The following ADAMTS19 variants were observed in gnomAD, a reference collection of about 807,000 sequenced individuals.
The protein encoded by ADAMTS19 is ADAM metallopeptidase with thrombospondin type 1 motif 19, also known as A disintegrin and metalloproteinase with thrombospondin motifs 19.
Under a neutral mutation model 153.3 loss-of-function variants are expected in ADAMTS19, and 93 were observed. That is an observed-to-expected ratio of 0.61 (90% CI 0.51 to 0.72). The LOEUF is 0.72. Ranked by LOEUF, ADAMTS19 falls within the 30% of genes least tolerant of loss-of-function variation. The probability of loss-of-function intolerance (pLI) is 0.00; values close to 1 mark genes in which losing one functional copy is unlikely to be tolerated. For missense variants in ADAMTS19, 1,482 were observed against 1,552.1 expected (o/e 0.95, Z 0.76); for synonymous variants, 600 against 556.6 (o/e 1.08, Z -1.10).
chr5:129,599,811 C>T (rs1750560707), intron 8 of ADAMTS19, among the ~76,000 whole-genome samples: 2 of 151,978 alleles, frequency 1.3e-5, no homozygotes, highest in African/African-American at 2.4e-5. Context: ...TAGAGCTGTA[C>T]CCAAAATCAA....
At chr5:129,637,598 A>C (rs1211789713) in intron 10 of ADAMTS19, among the ~76,000 whole-genome samples, 1 of 152,098 alleles carries the variant, frequency 6.6e-6, no homozygotes, top group Non-Finnish European at 1.5e-5. Flanking sequence ...TAATCCCAGC[A>C]CTTTAGGAGG....
chr5:129,461,163 G>C lies in ADAMTS19; in HGVS notation c.153G>C (p.Arg51=). Residue 51 remains arginine (R), a synonymous_variant, in exon 2 of 23, where the codon CGG becomes CGC. Transcript: ENST00000274487. The surrounding 1 kb of genome is among the most constrained non-coding windows in gnomAD (Gnocchi z 4.6). ...TCGTGTTTCCTGCGCTCTGGCGCCG[G>C]GAGCCGGTGGACCCGGCTGGCGGCA... The part of the protein sequence containing the change: ...WEVVFPALWR[R]EPVDPAGGSG... The C allele has an allele frequency of 7.2e-7, 1 of 1,395,536 alleles. No homozygotes were observed. The highest frequency in any genetic ancestry group is 2.7e-5 in the Admixed American group (1 of 37,040). 86.4% of individuals were successfully genotyped at this position (1,395,536 alleles called of 1,614,324 possible).
chr5:129,463,334 G>GTT (rs143452844), intron 2 of ADAMTS19, among the ~76,000 whole-genome samples: 1 of 151,916 alleles, frequency 6.6e-6, no homozygotes, highest in Non-Finnish European at 1.5e-5. Flanking sequence ...TTATAAGTAG[G>GTT]TTTTTTGTAT....
chr5:129,734,104 G>T (rs954049420), intron 21 of ADAMTS19, among the ~76,000 whole-genome samples: 1 of 151,798 alleles, frequency 6.6e-6, no homozygotes, highest in African/African-American at 2.4e-5. Context: ...AATATTGCAT[G>T]TTCTTACTTG....
chr5:129,624,709 T>G (rs755745115), intron 10 of ADAMTS19, among the ~76,000 whole-genome samples: 2 of 152,232 alleles, frequency 1.3e-5, no homozygotes, highest in Non-Finnish European at 2.9e-5. Flanking sequence ...TTTTACAAGC[T>G]TTTAGAAATT....
chr5:129,702,477 T>A (rs970585153), intron 20 of ADAMTS19, among the ~76,000 whole-genome samples: 7 of 152,190 alleles, frequency 4.6e-5, no homozygotes, highest in African/African-American at 1.7e-4. Context: ...AGTAGCTACT[T>A]TTTTGAAAAT....
chr5:129,674,508 CT>C (rs1754468331), intron 16 of ADAMTS19, among the ~76,000 whole-genome samples: 1 of 152,028 alleles, frequency 6.6e-6, no homozygotes, highest in Non-Finnish European at 1.5e-5. Context: ...ACTGAGTACA[CT>C]TTTTACTATT....
At chr5:129,680,496 C>T (rs949795899) in intron 17 of ADAMTS19, among the ~76,000 whole-genome samples, 26 of 152,012 alleles carry the variant, frequency 1.7e-4, no homozygotes, top group Non-Finnish European at 1.8e-4. Flanking sequence ...TGGTGGCTCA[C>T]GCCTGTAATC....
intron 7 of ADAMTS19, among the ~76,000 whole-genome samples, chr5:129,552,692 T>C (rs1034921188): frequency 2.6e-5 from 4 of 151,854 alleles, no homozygotes; most frequent in Non-Finnish European, 4.4e-5. Flanking sequence ...GTGTCATTTG[T>C]TTTTTTATAA....
intron 21 of ADAMTS19, among the ~76,000 whole-genome samples, chr5:129,726,781 G>C (rs1174289358): frequency 1.3e-5 from 2 of 152,042 alleles, no homozygotes; most frequent in Non-Finnish European, 2.9e-5. Context: ...GTCCTACCCT[G>C]ATTTTCCCAT....
At chr5:129,553,949 T>C (rs1039931540) in intron 7 of ADAMTS19, among the ~76,000 whole-genome samples, 3 of 152,056 alleles carry the variant, frequency 2.0e-5, no homozygotes, top group African/African-American at 4.8e-5. Context: ...CAAAAATATT[T>C]TGTCTAAATA....
Position 129,477,571 on chromosome 5 carries a change from T to C in ADAMTS19, c.747+15814T>C, listed in dbSNP as rs532774933. Among the ~76,000 whole-genome samples the C allele has an allele frequency of 5.9e-5, 9 of 152,344 alleles. No homozygotes were observed. The East Asian group carries it at 1.7e-3, about 29-fold the overall frequency. ...TCATTTGAAATGCTTTGGAGTAACATACTAAAGCATCCTTGGGGACACCCT... is the reference window on the plus strand; with the variant it reads ...TCATTTGAAATGCTTTGGAGTAACACACTAAAGCATCCTTGGGGACACCCT... On this transcript the variant is annotated intron_variant, in intron 2 of 22. Coordinates refer to ENST00000274487, the MANE Select transcript of ADAMTS19 (RefSeq NM_133638.6).
intron 3 of ADAMTS19, 135 bp from the exon 4 acceptor site, chr5:129,526,149 A>G: frequency 3.0e-6 from 2 of 672,916 alleles, no homozygotes; most frequent in East Asian, 3.4e-5. Context: ...CTAAAGTCAT[A>G]TTTCAAAGCC....
rs1304620760 is a variant in ADAMTS19 at position 129,509,171 on chromosome 5, A to C, written c.842A>C (p.Gln281Pro). Residue 281 changes from glutamine (Q) to proline (P), a missense_variant, in exon 3 of 23, where the codon CAG becomes CCG. By Grantham distance (76) the Gln-to-Pro change is moderately conservative. Around this residue, in one of 2 missense-constraint regions of ADAMTS19, gnomAD observed 866 missense variants for 827.7 expected, o/e 1.05. Coordinates refer to ENST00000274487, the MANE Select transcript of ADAMTS19 (RefSeq NM_133638.6). ...GGTCACCCACACCGTGTATATAGGC[A>C]GAAAAGGTCCATGGAGGAAAAGGTC... ...ITGHPHRVYRQKRSMEEKVTE... is the reference protein window; with the variant it reads ...ITGHPHRVYRPKRSMEEKVTE... 1 of 1,612,430 alleles carries C rather than the reference A, an allele frequency of 6.2e-7. No homozygotes were observed.
chr5:129,695,411 A>AC (rs953633700), intron 19 of ADAMTS19, among the ~76,000 whole-genome samples: 2 of 151,992 alleles, frequency 1.3e-5, no homozygotes, highest in African/African-American at 2.4e-5. Flanking sequence ...TTCCTCTGAC[A>AC]CCCCCCAATG....
chr5:129,661,654 T>C (rs1753818157), intron 15 of ADAMTS19, among the ~76,000 whole-genome samples: 1 of 152,234 alleles, frequency 6.6e-6, no homozygotes, highest in Non-Finnish European at 1.5e-5. Context: ...TTTTTTTTCC[T>C]TAATACTTTA....
At position 129,461,354 on chromosome 5, in the gene ADAMTS19, C is replaced by G. The variant is rs1033126813; in HGVS notation, c.344C>G (p.Ser115Trp). 2 of 1,336,142 alleles carry G rather than the reference C, an allele frequency of 1.5e-6. No homozygotes were observed. Among genetic ancestry groups the G allele is most frequent in the African/African-American group, 3.1e-5 (2 of 64,750 alleles). 82.8% of individuals were successfully genotyped at this position (1,336,142 alleles called of 1,614,324 possible). ...TCCCGGCTCCGGCCCCCGCCGCCGT[C>G]GGAGGGTGAGGAGGACGAGGAGCTC... ...SESRLRPPPP[S>W]EGEEDEELES... The change falls in exon 2 of 23, where the codon TCG (serine) becomes TGG (tryptophan). Residue 115 changes from serine (S) to tryptophan (W), a missense_variant. Ser to Trp is a radical substitution (Grantham distance 177). Transcript: ENST00000274487. The surrounding 1 kb of genome is among the most constrained non-coding windows in gnomAD (Gnocchi z 4.6).
At chr5:129,728,009 G>A (rs185331883) in intron 21 of ADAMTS19, among the ~76,000 whole-genome samples, 24 of 152,172 alleles carry the variant, frequency 1.6e-4, no homozygotes, top group Admixed American at 5.9e-4. Context: ...AACAGGTTGC[G>A]GTAAAGAAGC....
chr5:129,618,006 T>A (rs1751607310), intron 8 of ADAMTS19, among the ~76,000 whole-genome samples: 1 of 152,052 alleles, frequency 6.6e-6, no homozygotes, highest in Non-Finnish European at 1.5e-5. Context: ...ACATATCATG[T>A]GATGCAGTCA....
Sources: allele counts gnomAD v4.1 joint callset (sites outside exome capture counted in the v4.1 genomes callset), GRCh38; gene constraint gnomAD v4.1.1; regional missense constraint gnomAD v4.1.1; non-coding constraint Gnocchi (gnomAD v3.1); transcripts MANE v1.5; gene names NCBI Gene and HGNC (gene_info 2026-07-23, HGNC 2026-07-21).